COQ8A: variants seen among roughly 807,000 people sequenced by gnomAD.
COQ8A encodes atypical kinase COQ8A, mitochondrial.
COQ8A carries 51 observed loss-of-function variants against 65.0 expected under a neutral mutation model. The observed-to-expected ratio is 0.78, with a 90% CI of 0.63 to 0.99. COQ8A has a LOEUF of 0.99. Ranked by LOEUF, COQ8A falls within the 50% of genes least tolerant of loss-of-function variation. The pLI, the probability that COQ8A is intolerant of heterozygous loss-of-function variation, is 0.00. For missense variants in COQ8A, 940 were observed against 875.0 expected (o/e 1.07, Z -0.94); for synonymous variants, 371 against 353.2 (o/e 1.05, Z -0.57).
chr1:226,955,733 C>G (rs1174741496), intron 1 of COQ8A, among the ~76,000 whole-genome samples: 1 of 139,636 alleles, frequency 7.2e-6, no homozygotes, highest in African/African-American at 2.9e-5. Context: ...CTCCCTGGCT[C>G]CCACTCTCCC....
Position 226,983,744 on chromosome 1 carries a change from C to T in COQ8A, c.1163-17C>T. The T allele has an allele frequency of 6.2e-7, 1 of 1,613,084 alleles. No homozygotes were observed. The highest frequency in any genetic ancestry group is 8.5e-7 in the Non-Finnish European group (1 of 1,179,912). On this transcript the variant is annotated splice_polypyrimidine_tract_variant and intron_variant, in intron 9 of 14. Coordinates refer to ENST00000366777, the MANE Select transcript of COQ8A (RefSeq NM_020247.5). ...GCAGAGCCCCCTTCCTCGCTGATGCCCTCCTCCCTGGCCCAGGCCTGTTCC... is the reference window on the plus strand; with the variant it reads ...GCAGAGCCCCCTTCCTCGCTGATGCTCTCCTCCCTGGCCCAGGCCTGTTCC...
At chr1:226,986,178 T>C (rs192723657) in intron 14 of COQ8A, among the ~76,000 whole-genome samples, 1 of 152,272 alleles carries the variant, frequency 6.6e-6, no homozygotes, top group African/African-American at 2.4e-5. Flanking sequence ...AACAGTGTTT[T>C]GTTAAAACTC....
Position 226,944,515 on chromosome 1 carries a change from G to A in COQ8A, c.-10+4116G>A, listed in dbSNP as rs551713719. On this transcript the variant is annotated intron_variant, in intron 1 of 14. Coordinates refer to ENST00000366777, the MANE Select transcript of COQ8A (RefSeq NM_020247.5). ...GGGAGGAGATTGGACAGAGGCAGGG[G>A]AAGGGTCTGAGAGATGTGGCCAAGA... Among the ~76,000 whole-genome samples the A allele has an allele frequency of 2.6e-5, 4 of 152,058 alleles. No individual in the cohort carries two copies. The East Asian group carries it at 7.7e-4, about 29-fold the overall frequency.
Position 226,965,388 on chromosome 1 carries a change from A to C in COQ8A, c.566A>C (p.Glu189Ala). The C allele has an allele frequency of 6.2e-7, 1 of 1,610,536 alleles. No individual in the cohort carries two copies. Among genetic ancestry groups the C allele is most frequent in the Non-Finnish European group, 8.5e-7 (1 of 1,179,280 alleles). ...EKARQAKARP[E>A]NKQHKQTLSE... ...GCCCGGCAGGCTAAGGCTCGCCCCG[A>C]GAACAAGCAGCACAAACAGACGGTG... Residue 189 changes from glutamate (E) to alanine (A), a missense_variant, in exon 3 of 15, where the codon GAG (glutamate) becomes GCG (alanine). By Grantham distance (107) the Glu-to-Ala change is moderately radical. Coordinates refer to ENST00000366777, the MANE Select transcript of COQ8A (RefSeq NM_020247.5).
At chr1:226,960,361 T>TTGG (rs1258779133) in intron 1 of COQ8A, among the ~76,000 whole-genome samples, 12 of 1,594 alleles carry the variant, frequency 7.5e-3, no homozygotes, top group Middle Eastern at 0.5. Context: ...GTGGTGGTGC[T>TTGG]TGGTGGTGGT....
chr1:226,984,251 C>G lies in COQ8A; in HGVS notation c.1398+16C>G, dbSNP rs1346703054. ...TCGGAACGAGGTTTGTCTGTGCCAG[C>G]AGACAGGTGGGGCCAGGGTGGCCCT... is the stretch of plus-strand genomic sequence containing the variant. On this transcript the variant is annotated intron_variant, in intron 11 of 14. Transcript: ENST00000366777. 1 of 1,613,216 alleles carries G rather than the reference C, an allele frequency of 6.2e-7. No homozygotes were observed. The highest frequency in any genetic ancestry group is 8.5e-7 in the Non-Finnish European group (1 of 1,179,986).
Position 226,977,481 on chromosome 1 carries a change from G to A in COQ8A, c.688G>A (p.Ala230Thr). Residue 230 changes from alanine to threonine, a missense_variant, in exon 5 of 15, where the codon GCA becomes ACA. Ala to Thr is a moderately conservative substitution (Grantham distance 58). Transcript: ENST00000366777. ...CGTGGGCCTGGGCTTCGGGGCACTGGCAGAGGTCGCCAAGAAGAGCCTGCG... is the reference window on the plus strand; with the variant it reads ...CGTGGGCCTGGGCTTCGGGGCACTGACAGAGGTCGCCAAGAAGAGCCTGCG... ...LAVGLGFGAL[A>T]EVAKKSLRSE... 1 of 1,567,546 alleles carries A rather than the reference G, an allele frequency of 6.4e-7. No individual in the cohort carries two copies.
At chr1:226,955,483 TGCCA>T (rs1657641580) in intron 1 of COQ8A, among the ~76,000 whole-genome samples, 1 of 140,692 alleles carries the variant, frequency 7.1e-6, no homozygotes, top group Non-Finnish European at 1.5e-5. Context: ...TCTCCCTGGC[TGCCA>T]CTCTCTCTGG....
intron 13 of COQ8A, 31 bp downstream of exon 13, chr1:226,984,972 ATGTTTTTC>A (rs750795441): frequency 6.2e-7 from 1 of 1,612,282 alleles, no homozygotes; most frequent in Non-Finnish European, 8.5e-7. Context: ...GCCTTGGTCC[ATGTTTTTC>A]TGAGGCTGGG....
chr1:226,945,287 C>T (rs1656967148), intron 1 of COQ8A, among the ~76,000 whole-genome samples: 1 of 152,330 alleles, frequency 6.6e-6, no homozygotes, highest in East Asian at 1.9e-4. Flanking sequence ...TCCCCGTCGG[C>T]CCTCATCACA....
chr1:226,944,717 G>T (rs1277026160), intron 1 of COQ8A, among the ~76,000 whole-genome samples: 1 of 25,672 alleles, frequency 3.9e-5, no homozygotes, highest in Non-Finnish European at 7.0e-5. Context: ...GAGAGAGAGA[G>T]AGAGAGAGAG....
At chr1:226,950,073 C>T (rs529433037) in intron 1 of COQ8A, among the ~76,000 whole-genome samples, 5 of 152,310 alleles carry the variant, frequency 3.3e-5, no homozygotes, top group South Asian at 2.1e-4. Context: ...CAGGACCTTG[C>T]GCTTGGCTGG....
chr1:226,962,605 T>C (rs1411126676), intron 2 of COQ8A, among the ~76,000 whole-genome samples: 1 of 152,248 alleles, frequency 6.6e-6, no homozygotes, highest in Non-Finnish European at 1.5e-5. Context: ...TGTGGATGGC[T>C]GATTTCTGGA....
chr1:226,956,065 C>T (rs562269127), intron 1 of COQ8A, among the ~76,000 whole-genome samples: 3 of 141,430 alleles, frequency 2.1e-5, no homozygotes, highest in African/African-American at 8.6e-5. Flanking sequence ...CTGGCTCCCA[C>T]TCTCCCTGGT....
In COQ8A at chr1:226,983,643, T is replaced by C; in HGVS notation, c.1162+10T>C. On this transcript the variant is annotated intron_variant, in intron 9 of 14. Coordinates refer to ENST00000366777, the MANE Select transcript of COQ8A (RefSeq NM_020247.5). Reference sequence around the variant, plus strand: ...AACATGCTTCCAGAAGGTCTGAGGCTAGGTGGTTGGGTCAAGGGCAGGAGT... The same window carrying C: ...AACATGCTTCCAGAAGGTCTGAGGCCAGGTGGTTGGGTCAAGGGCAGGAGT... 6.2e-7 allele frequency: 1 copy of C among 1,613,794 alleles called. No individual in the cohort carries two copies. Among genetic ancestry groups the C allele is most frequent in the Non-Finnish European group, 8.5e-7 (1 of 1,179,912 alleles).
In COQ8A at chr1:226,985,613, G is replaced by A. The variant is rs1036663237; in HGVS notation, c.1659+273G>A. ...CACTTAGGGCTTGGGGTTGGGCCTC[G>A]ATTGAGCCAACGTGCAGAGCAAGTG... On this transcript the variant is annotated intron_variant, in intron 14 of 14. Coordinates refer to ENST00000366777, the MANE Select transcript of COQ8A (RefSeq NM_020247.5). Among the ~76,000 whole-genome samples, 7 of 152,298 alleles carry A rather than the reference G, an allele frequency of 4.6e-5. No homozygotes were observed. The South Asian group carries it at 8.3e-4, about 18-fold the overall frequency.
chr1:226,981,338 C>T (rs1165843048), intron 5 of COQ8A, among the ~76,000 whole-genome samples: 2 of 152,210 alleles, frequency 1.3e-5, no homozygotes, highest in Non-Finnish European at 2.9e-5. Context: ...TCTGCTGCTC[C>T]TGAGTCGCGG....
At chr1:226,966,243 T>C (rs1463811105) in intron 4 of COQ8A, among the ~76,000 whole-genome samples, 1 of 152,234 alleles carries the variant, frequency 6.6e-6, no homozygotes, top group Non-Finnish European at 1.5e-5. Flanking sequence ...CAAGATGCCA[T>C]GGCCTCCAGC....
In COQ8A at chr1:226,982,128, G is replaced by A. The variant is rs1198170033; in HGVS notation, c.832G>A (p.Gly278Ser). 1 of 1,602,174 alleles carries A rather than the reference G, an allele frequency of 6.2e-7. No homozygotes were observed. The highest frequency in any genetic ancestry group is 8.5e-7 in the Non-Finnish European group (1 of 1,175,092). ...CKVRGAALKLGQMLSIQDDAF... is the reference protein window; with the variant it reads ...CKVRGAALKLSQMLSIQDDAF... ...GGTGCGTGGTGCGGCACTCAAGCTG[G>A]GCCAGATGCTGAGCATCCAGGGTGA... The change falls in exon 6 of 15, where the codon GGC becomes AGC. Residue 278 changes from glycine (G) to serine (S), a missense_variant. Coordinates refer to ENST00000366777, the MANE Select transcript of COQ8A (RefSeq NM_020247.5).
Sources: gnomAD v4.1 joint callset for allele counts (sites outside exome capture counted in the v4.1 genomes callset) on GRCh38, gnomAD v4.1.1 for gene constraint, MANE v1.5 for transcripts, NCBI Gene and HGNC (gene_info 2026-07-23, HGNC 2026-07-21) for gene names.